Variants in DNAAF11 observed in about 807,000 individuals in gnomAD.
DNAAF11 encodes the protein leucine rich repeat containing 6.
DNAAF11 carries 45 observed loss-of-function variants against 60.8 expected under a neutral mutation model. The observed-to-expected ratio is 0.74, with a 90% CI of 0.58 to 0.95. DNAAF11 has a LOEUF of 0.95. Ranked by LOEUF, DNAAF11 falls within the 40% of genes least tolerant of loss-of-function variation. The pLI is 0.00. For missense variants in DNAAF11, 546 were observed against 546.2 expected, an observed-to-expected ratio of 1.00 and a Z score of 0.00; for synonymous variants, 191 against 183.5, an observed-to-expected ratio of 1.04 and a Z score of -0.33.
intron 3 of DNAAF11, among the ~76,000 whole-genome samples, chr8:132,653,373 C>T (rs1823221037): frequency 6.6e-6 from 1 of 151,950 alleles, no homozygotes; most frequent in Non-Finnish European, 1.5e-5. Context: ...CAGATCTATG[C>T]TACAAGAAAT....
At chr8:132,583,189 C>A (rs1815512854) in intron 11 of DNAAF11, among the ~76,000 whole-genome samples, 1 of 151,980 alleles carries the variant, frequency 6.6e-6, no homozygotes, top group South Asian at 2.1e-4. Flanking sequence ...GCCCTAGTAC[C>A]CCTGAGAGTT....
chr8:132,700,959 T>C, the DNAAF11 span, among the ~76,000 whole-genome samples: 1 of 152,286 alleles, frequency 6.6e-6, no homozygotes, highest in South Asian at 2.1e-4. Context: ...GGCTCACAGT[T>C]CTGAAATGTG....
chr8:132,693,260 G>C, the DNAAF11 span, among the ~76,000 whole-genome samples: 1 of 152,138 alleles, frequency 6.6e-6, no homozygotes, highest in Non-Finnish European at 1.5e-5. Context: ...AGGAACAAAA[G>C]ACAACGGAAA....
intron 5 of DNAAF11, 69 bp downstream of exon 5, chr8:132,632,671 T>G (rs1820908517): frequency 9.2e-7 from 1 of 1,089,020 alleles, no homozygotes; most frequent in Non-Finnish European, 1.4e-6. Flanking sequence ...TGCAAACAAC[T>G]TGGAAAGAGA....
At chr8:132,635,832 A>T (rs1821240470) in intron 4 of DNAAF11, among the ~76,000 whole-genome samples, 1 of 152,112 alleles carries the variant, frequency 6.6e-6, no homozygotes, top group Non-Finnish European at 1.5e-5. Flanking sequence ...AGCCAATATG[A>T]CTGGTGTCTT....
chr8:132,586,445 G>C (rs1815902705), intron 10 of DNAAF11, among the ~76,000 whole-genome samples: 1 of 152,122 alleles, frequency 6.6e-6, no homozygotes, highest in Admixed American at 6.5e-5. Flanking sequence ...AGAGAGATAG[G>C]AACATAACCA....
the DNAAF11 span, among the ~76,000 whole-genome samples, chr8:132,691,104 G>A: frequency 6.8e-6 from 1 of 148,010 alleles, no homozygotes; most frequent in Non-Finnish European, 1.5e-5. Context: ...TCAGTGTGTA[G>A]TATCTGTAGA....
At chr8:132,643,602 T>A in intron 3 of DNAAF11, 1 of 454,794 alleles carries the variant, frequency 2.2e-6, no homozygotes, top group Non-Finnish European at 4.4e-6. Context: ...ACACGGAGGG[T>A]GGGTAGGAGA....
chr8:132,674,098 AGGAGGAGGAGGAGC>A lies in DNAAF11; in HGVS notation c.10+1372_10+1385del, dbSNP rs1234573525. Among the ~76,000 whole-genome samples, 390 of 144,990 alleles carry A rather than the reference AGGAGGAGGAGGAGC, an allele frequency of 2.7e-3. 10 individuals carry two copies. The highest frequency in any genetic ancestry group is 9.3e-3 in the African/African-American group (364 of 38,982). ...GAGGAGGAGCAGGAGGAGGAGGAGC[AGGAGGAGGAGGAGC>A]AGGAGGAGGAGGAGGAGGAGGAGAA... is the stretch of plus-strand genomic sequence containing the variant. On this transcript the variant is annotated intron_variant, in intron 1 of 11. Transcript: ENST00000620350.
the DNAAF11 span, among the ~76,000 whole-genome samples, chr8:132,699,429 G>C: frequency 2.6e-5 from 4 of 152,278 alleles, no homozygotes; most frequent in South Asian, 8.3e-4. Context: ...TGTAAGGTGG[G>C]ATTGAGGGTA....
chr8:132,640,803 A>C (rs1821778291), intron 3 of DNAAF11, among the ~76,000 whole-genome samples: 1 of 152,178 alleles, frequency 6.6e-6, no homozygotes, highest in Non-Finnish European at 1.5e-5. Context: ...ACAGTTTGAA[A>C]GAAGGAAAGA....
At chr8:132,665,336 G>C (rs1232613194) in intron 1 of DNAAF11, among the ~76,000 whole-genome samples, 1 of 151,938 alleles carries the variant, frequency 6.6e-6, no homozygotes, top group Non-Finnish European at 1.5e-5. Flanking sequence ...TTTATATACT[G>C]TCTAATTTAG....
intron 2 of DNAAF11, 93 bp downstream of exon 2, chr8:132,661,367 C>A: frequency 9.7e-7 from 1 of 1,032,168 alleles, no homozygotes; most frequent in East Asian, 2.6e-5. Context: ...GTTTTTTTTT[C>A]AGTGATTGTC....
the DNAAF11 span, among the ~76,000 whole-genome samples, chr8:132,690,290 C>T: frequency 6.6e-6 from 1 of 152,032 alleles, no homozygotes; most frequent in African/African-American, 2.4e-5. Flanking sequence ...GGGGCAGTTT[C>T]CCCCATGCTG....
At chr8:132,699,484 C>T in the DNAAF11 span, among the ~76,000 whole-genome samples, 1 of 152,142 alleles carries the variant, frequency 6.6e-6, no homozygotes, top group African/African-American at 2.4e-5. Flanking sequence ...TTAGAGAGAT[C>T]ACTGTAATTG....
At position 132,610,387 on chromosome 8, in the gene DNAAF11, T is replaced by G. The variant is rs34800624; in HGVS notation, c.1045-126A>C. 44,813 of 628,442 alleles carry G rather than the reference T, an allele frequency of 0.071. 1,991 individuals are homozygous for G. Among genetic ancestry groups the G allele is most frequent in the South Asian group, 0.088 (4,535 of 51,544 alleles). 38.9% of individuals were successfully genotyped at this position (628,442 alleles called of 1,614,324 possible). On this transcript the variant is annotated intron_variant, in intron 9 of 11. Transcript: ENST00000620350. ...AATTAAGAAATGTGCTTAAGCTTAT[T>G]AAAAATATTGATATGAGCTATGCTT...
intron 4 of DNAAF11, among the ~76,000 whole-genome samples, chr8:132,634,670 A>T (rs1458649807): frequency 2.0e-5 from 3 of 150,446 alleles, no homozygotes; most frequent in South Asian, 2.1e-4. Context: ...GAATCAACAT[A>T]AAAGTAAATA....
rs1824133698 is a variant in DNAAF11 at position 132,661,550 on chromosome 8, G to A, written c.88C>T (p.Gln30Ter). Residue 30 changes from glutamine (Q) to a stop codon, truncating the protein, a stop_gained, in exon 2 of 12, where the codon CAG becomes TAG. Transcript: ENST00000620350. LOFTEE classifies it high-confidence loss of function. ...TGTTCTAGTCTTTCTATTTCTTGCTGATGCAACGAGAGTTCCTCCAGGGAA... is the reference window on the plus strand; with the variant it reads ...TGTTCTAGTCTTTCTATTTCTTGCTAATGCAACGAGAGTTCCTCCAGGGAA... ...IFSLEELSLH[Q>*]QEIERLEHID... is the part of the protein sequence containing the mutation. 2 of 1,613,778 alleles carry A rather than the reference G, an allele frequency of 1.2e-6. No individual in the cohort carries two copies. The highest frequency in any genetic ancestry group is 1.7e-6 in the Non-Finnish European group (2 of 1,179,714).
chr8:132,579,212 T>C (rs1269507531), intron 11 of DNAAF11, among the ~76,000 whole-genome samples: 1 of 152,178 alleles, frequency 6.6e-6, no homozygotes, highest in African/African-American at 2.4e-5. Context: ...CCAGAATATT[T>C]TCCTAGGCAG....
Sources: gnomAD v4.1 joint callset for allele counts (sites outside exome capture counted in the v4.1 genomes callset) on GRCh38, gnomAD v4.1.1 for gene constraint, MANE v1.5 for transcripts, NCBI Gene and HGNC (gene_info 2026-07-23, HGNC 2026-07-21) for gene names.